IMMP2L: variants seen among roughly 807,000 people sequenced by gnomAD.
IMMP2L encodes inner mitochondrial membrane peptidase subunit 2.
A neutral mutation model predicts 19.3 loss-of-function variants in IMMP2L; 18 were observed. The observed-to-expected ratio is 0.93, with a 90% CI of 0.64 to 1.38. The LOEUF (loss-of-function observed/expected upper bound fraction) is 1.38. IMMP2L is among the 40% of genes most tolerant of loss of function. The pLI is 0.00. For missense variants in IMMP2L, 233 were observed against 218.2 expected (o/e 1.07, Z -0.43); for synonymous variants, 76 against 73.0 (o/e 1.04, Z -0.21).
chr7:111,054,210 A>G (rs1008456954), intron 3 of IMMP2L, among the ~76,000 whole-genome samples: 2 of 152,172 alleles, frequency 1.3e-5, no homozygotes, highest in African/African-American at 4.8e-5. Context: ...TGATATCTCA[A>G]TTTTCAAAAA....
At chr7:111,138,812 T>C (rs1411215304) in intron 3 of IMMP2L, among the ~76,000 whole-genome samples, 1 of 152,172 alleles carries the variant, frequency 6.6e-6, no homozygotes, top group Non-Finnish European at 1.5e-5. Context: ...CCAGACATTA[T>C]TTGGTCACTT....
At chr7:111,068,415 GTGAT>G (rs1302861841) in intron 3 of IMMP2L, among the ~76,000 whole-genome samples, 15 of 152,050 alleles carry the variant, frequency 9.9e-5, no homozygotes, top group African/African-American at 2.9e-4. Context: ...CAAGAAACAA[GTGAT>G]TGGTCTTCAT....
chr7:111,348,304 C>A (rs1827782602), intron 3 of IMMP2L, among the ~76,000 whole-genome samples: 1 of 151,944 alleles, frequency 6.6e-6, no homozygotes, highest in African/African-American at 2.4e-5. Flanking sequence ...AAAGTTCTAT[C>A]AAAGTATTTA....
chr7:110,702,852 A>G (rs1794379176), intron 5 of IMMP2L, among the ~76,000 whole-genome samples: 1 of 152,082 alleles, frequency 6.6e-6, no homozygotes, highest in Non-Finnish European at 1.5e-5. Context: ...TCATGTTTTT[A>G]AAACTTTTAC....
intron 3 of IMMP2L, among the ~76,000 whole-genome samples, chr7:110,987,876 T>C (rs569974953): frequency 6.6e-6 from 1 of 152,304 alleles, no homozygotes; most frequent in East Asian, 1.9e-4. Context: ...GCTTAAGGTC[T>C]TGAATCTCCC....
At chr7:111,493,571 G>A (rs978072514) in intron 2 of IMMP2L, among the ~76,000 whole-genome samples, 15 of 151,968 alleles carry the variant, frequency 9.9e-5, no homozygotes, top group Non-Finnish European at 1.5e-5. Context: ...CGGGCGTGGG[G>A]GCGGGCGCCT....
intron 3 of IMMP2L, chr7:111,394,778 A>AT (rs1459504843): frequency 1.1e-5 from 2 of 182,400 alleles, no homozygotes. Context: ...GTTTTAAAAG[A>AT]TAACTCTAAT....
At chr7:111,548,258 G>A (rs1385616895) in intron 1 of IMMP2L, among the ~76,000 whole-genome samples, 1 of 151,832 alleles carries the variant, frequency 6.6e-6, no homozygotes, top group Non-Finnish European at 1.5e-5. Flanking sequence ...AAAAAATAAA[G>A]TTTGTTTGAC....
At chr7:110,891,039 T>A (rs955396991) in intron 4 of IMMP2L, among the ~76,000 whole-genome samples, 1 of 152,006 alleles carries the variant, frequency 6.6e-6, no homozygotes, top group African/African-American at 2.4e-5. Context: ...TAAGGTATTC[T>A]TATTTCTTTA....
intron 3 of IMMP2L, among the ~76,000 whole-genome samples, chr7:111,169,343 G>A (rs758398591): frequency 3.3e-5 from 5 of 151,760 alleles, no homozygotes; most frequent in East Asian, 1.9e-4. Flanking sequence ...ACTTCAGGAC[G>A]TTAATCCAAA....
At chr7:111,348,302 A>G (rs1827781944) in intron 3 of IMMP2L, among the ~76,000 whole-genome samples, 1 of 152,120 alleles carries the variant, frequency 6.6e-6, no homozygotes, top group Non-Finnish European at 1.5e-5. Context: ...AAAAAGTTCT[A>G]TCAAAGTATT....
intron 3 of IMMP2L, among the ~76,000 whole-genome samples, chr7:110,990,933 T>A (rs2129559549): frequency 6.6e-6 from 1 of 152,312 alleles, no homozygotes; most frequent in Admixed American, 6.5e-5. Flanking sequence ...TGGCACCTTT[T>A]ATTAATAGCA....
chr7:111,472,615 T>C (rs577865873), intron 3 of IMMP2L, among the ~76,000 whole-genome samples: 1 of 152,302 alleles, frequency 6.6e-6, no homozygotes, highest in South Asian at 2.1e-4. Flanking sequence ...ACTATAAATG[T>C]ATTTATGCTT....
chr7:111,275,327 T>C (rs1473881692), intron 3 of IMMP2L, among the ~76,000 whole-genome samples: 1 of 152,156 alleles, frequency 6.6e-6, no homozygotes, highest in Admixed American at 6.6e-5. Context: ...ACTCAAATAT[T>C]TCCGAGGAGA....
At chr7:111,072,604 A>G (rs1795047068) in intron 3 of IMMP2L, among the ~76,000 whole-genome samples, 1 of 152,186 alleles carries the variant, frequency 6.6e-6, no homozygotes, top group East Asian at 1.9e-4. Context: ...CTTTCAGATA[A>G]AACCAGTCTA....
intron 3 of IMMP2L, among the ~76,000 whole-genome samples, chr7:111,116,213 A>G (rs1260510584): frequency 6.6e-6 from 1 of 152,192 alleles, no homozygotes; most frequent in Non-Finnish European, 1.5e-5. Flanking sequence ...AGAGGAATGG[A>G]AACAGCACAT....
chr7:110,829,612 A>G (rs1418991920), intron 5 of IMMP2L, among the ~76,000 whole-genome samples: 2 of 152,184 alleles, frequency 1.3e-5, no homozygotes, highest in Non-Finnish European at 2.9e-5. Context: ...ACAAAAAAAG[A>G]GAGAAAAACC....
At chr7:110,978,649 AT>A (rs1357446959) in intron 3 of IMMP2L, among the ~76,000 whole-genome samples, 5 of 152,098 alleles carry the variant, frequency 3.3e-5, no homozygotes, top group African/African-American at 1.2e-4. Flanking sequence ...AGATCAAACT[AT>A]TAATTGCTTA....
chr7:111,058,809 T>A (rs925956994), intron 3 of IMMP2L, among the ~76,000 whole-genome samples: 1 of 152,156 alleles, frequency 6.6e-6, no homozygotes, highest in African/African-American at 2.4e-5. Context: ...TTGAGTCCTA[T>A]CCTACTAATG....
Sources: allele counts gnomAD v4.1 joint callset (sites outside exome capture counted in the v4.1 genomes callset), GRCh38; gene constraint gnomAD v4.1.1; transcripts MANE v1.5; gene names NCBI Gene and HGNC (gene_info 2026-07-23, HGNC 2026-07-21).